The following PDE4A variants were observed in gnomAD, a reference collection of about 807,000 sequenced individuals.
The protein encoded by PDE4A is 3',5'-cyclic-AMP phosphodiesterase 4A.
In PDE4A, 21 loss-of-function variants were observed where a neutral mutation model predicts 73.9. The ratio of observed to expected loss-of-function variants is 0.28; its 90% CI spans 0.20 to 0.41. The LOEUF is 0.41. Ranked by LOEUF, PDE4A falls within the 10% of genes least tolerant of loss-of-function variation. PDE4A has a pLI of 1.00. For missense variants in PDE4A, 958 were observed against 1,211.4 expected, an observed-to-expected ratio of 0.79 and a Z score of 3.10; for synonymous variants, 463 against 505.4, an observed-to-expected ratio of 0.92 and a Z score of 1.13.
rs967592066 is a variant in PDE4A, at chr19:10,458,754, G to C, written c.1102-646G>C. ...CTGCCTCACCCTCCTGACTAGCCGGGACTAAAGGCCTGTGCCAGCACACCT... is the reference window on the plus strand; with the variant it reads ...CTGCCTCACCCTCCTGACTAGCCGGCACTAAAGGCCTGTGCCAGCACACCT... On this transcript the variant is annotated intron_variant, in intron 8 of 14. Coordinates refer to ENST00000380702, the MANE Select transcript of PDE4A (RefSeq NM_001111307.2). This position sits in a 1 kb window ranked among gnomAD's most constrained non-coding sequence, Gnocchi z 4.6. Among the ~76,000 whole-genome samples the C allele has an allele frequency of 2.0e-5, 3 of 152,120 alleles. No individual in the cohort carries two copies. The highest frequency in any genetic ancestry group is 4.4e-5 in the Non-Finnish European group (3 of 68,022).
chr19:10,422,820 A>G (rs552947012), intron 1 of PDE4A, among the ~76,000 whole-genome samples: 2 of 152,258 alleles, frequency 1.3e-5, no homozygotes, highest in East Asian at 3.9e-4. Flanking sequence ...ATCAACAGAA[A>G]ATGCTAAAAC....
intron 11 of PDE4A, 43 bp downstream of exon 11, chr19:10,461,146 C>T (rs554326038): frequency 6.3e-7 from 1 of 1,589,142 alleles, no homozygotes; most frequent in Non-Finnish European, 8.6e-7. Flanking sequence ...GAGTTGGAGG[C>T]GGTGTTGGCC....
At chr19:10,461,839 G>A (rs770493132) in intron 12 of PDE4A, 38 bp from the exon 13 acceptor site, 12 of 1,603,322 alleles carry the variant, frequency 7.5e-6, no homozygotes, top group Non-Finnish European at 1.0e-5. Context: ...TCTGGGGGGC[G>A]GGTGTCAGCG....
At chr19:10,464,700 C>T (rs1034935119) in intron 14 of PDE4A, among the ~76,000 whole-genome samples, 6 of 151,378 alleles carry the variant, frequency 4.0e-5, no homozygotes, top group Admixed American at 4.0e-4. Flanking sequence ...TCACCATACC[C>T]GGCCTTGTTT....
rs151055763 is a variant in PDE4A at position 10,437,715 on chromosome 19, G to T, written c.321-8503G>T. ...TTATAGGAATGAGCCATTCTGCTTG[G>T]CCCATTTTATCCATTTTCGAGTGTA... On this transcript the variant is annotated intron_variant, in intron 1 of 14. Coordinates refer to ENST00000380702, the MANE Select transcript of PDE4A (RefSeq NM_001111307.2). 5.5e-3 allele frequency among the ~76,000 whole-genome samples: 837 copies of T among 151,318 alleles called. 4 individuals are homozygous for T. The highest frequency in any genetic ancestry group is 0.01 in the Non-Finnish European group (695 of 67,940).
Position 10,425,222 on chromosome 19 carries a change from C to CAAA in PDE4A, c.320+4147_320+4149dup, listed in dbSNP as rs71297580. On this transcript the variant is annotated intron_variant, in intron 1 of 14. Coordinates refer to ENST00000380702, the MANE Select transcript of PDE4A (RefSeq NM_001111307.2). ...CTGGCAGCAGAGCGAGACCCTGTCTCAAAAAAAAAAACAAAAAACAAAAAA... is the reference window on the plus strand; with the variant it reads ...CTGGCAGCAGAGCGAGACCCTGTCTCAAAAAAAAAAAAAACAAAAAACAAAAAA... Among the ~76,000 whole-genome samples the CAAA allele has an allele frequency of 3.5e-3, 499 of 143,564 alleles. 5 individuals carry two copies. Among genetic ancestry groups the CAAA allele is most frequent in the African/African-American group, 7.9e-3 (306 of 38,932 alleles). 94.2% of individuals were successfully genotyped at this position (143,564 alleles called of 152,430 possible).
At chr19:10,447,579 G>A (rs12985608) in intron 2 of PDE4A, among the ~76,000 whole-genome samples, 1 of 150,942 alleles carries the variant, frequency 6.6e-6, no homozygotes, top group Non-Finnish European at 1.5e-5. Context: ...ATGTTGCCTA[G>A]ACTGGTCTCA....
chr19:10,452,216 G>A (rs1349767316), intron 6 of PDE4A, among the ~76,000 whole-genome samples: 2 of 151,958 alleles, frequency 1.3e-5, no homozygotes, highest in Non-Finnish European at 2.9e-5. Flanking sequence ...AAGGCGGGCG[G>A]ATCACCTGAG....
At chr19:10,419,270 C>A (rs1445746782), upstream of PDE4A, among the ~76,000 whole-genome samples, 1 of 140,132 alleles carries the variant, frequency 7.1e-6, no homozygotes, top group Non-Finnish European at 1.6e-5. Context: ...GCACTCCCCC[C>A]GCCCAGCAGC....
At chr19:10,425,506 G>A (rs867761350) in intron 1 of PDE4A, among the ~76,000 whole-genome samples, 17 of 152,204 alleles carry the variant, frequency 1.1e-4, no homozygotes, top group Admixed American at 2.0e-4. Flanking sequence ...GAAAGGGGGC[G>A]TCCCCCAAAC....
chr19:10,433,013 G>C (rs538300922), intron 1 of PDE4A, among the ~76,000 whole-genome samples: 10 of 152,324 alleles, frequency 6.6e-5, no homozygotes, highest in African/African-American at 1.9e-4. Context: ...AGCTGGGTTG[G>C]GGGTGGGGAG....
intron 1 of PDE4A, among the ~76,000 whole-genome samples, chr19:10,439,341 C>G (rs899053690): frequency 6.6e-6 from 1 of 151,920 alleles, no homozygotes; most frequent in African/African-American, 2.4e-5. Flanking sequence ...GCCACCACGC[C>G]CACCTGATTT....
chr19:10,435,500 G>T lies in PDE4A; in HGVS notation c.321-10718G>T, dbSNP rs543331183. Among the ~76,000 whole-genome samples, 26 of 151,940 alleles carry T rather than the reference G, an allele frequency of 1.7e-4. 2 individuals carry two copies. In the South Asian group the frequency reaches 5.0e-3, roughly 29 times the overall value. Reference sequence around the variant, plus strand: ...CGCTTGAGCCTGGGAGGCTGAGGCTGCAGTGAACCATGATCGCCCCACTGC... The same window carrying T: ...CGCTTGAGCCTGGGAGGCTGAGGCTTCAGTGAACCATGATCGCCCCACTGC... On this transcript the variant is annotated intron_variant, in intron 1 of 14. Coordinates refer to ENST00000380702, the MANE Select transcript of PDE4A (RefSeq NM_001111307.2).
upstream of PDE4A, chr19:10,417,008 TGGGCTAGGGGCG>T (rs2042594811): frequency 6.5e-7 from 1 of 1,536,988 alleles, no homozygotes; most frequent in Non-Finnish European, 8.7e-7. Context: ...AGGAGGGGCT[TGGGCTAGGGGCG>T]GGGCTTCGCC....
intron 1 of PDE4A, chr19:10,432,540 A>G (rs1021760716): frequency 1.3e-6 from 2 of 1,523,558 alleles, no homozygotes; most frequent in East Asian, 2.7e-5. Context: ...CGATGAGGAC[A>G]CCCGTCGGCA....
At position 10,461,573 on chromosome 19, in the gene PDE4A, C is replaced by T. The variant is rs201460028; in HGVS notation, c.1513C>T (p.His505Tyr). ...CAACGATGAGTCGGTGCTCGAGAATCACCACCTGGCCGTGGGCTTCAAGCT... is the reference window on the plus strand; with the variant it reads ...CAACGATGAGTCGGTGCTCGAGAATTACCACCTGGCCGTGGGCTTCAAGCT... ...MYNDESVLEN[H>Y]HLAVGFKLLQ... Residue 505 changes from histidine to tyrosine, a missense_variant, in exon 12 of 15, where the codon CAC becomes TAC. By Grantham distance (83) the His-to-Tyr change is moderately conservative. Coordinates refer to ENST00000380702, the MANE Select transcript of PDE4A (RefSeq NM_001111307.2). The T allele has an allele frequency of 5.6e-6, 9 of 1,613,962 alleles. No individual in the cohort carries two copies. The highest frequency in any genetic ancestry group is 7.6e-6 in the Non-Finnish European group (9 of 1,180,026).
At chr19:10,459,263 CTGTGCTGT>C in intron 8 of PDE4A, 129 bp from the exon 9 acceptor site, 1 of 1,460,402 alleles carries the variant, frequency 6.8e-7, no homozygotes, top group Admixed American at 2.3e-5. Flanking sequence ...GCAGTACATT[CTGTGCTGT>C]TGAACCTGTC....
chr19:10,466,423 T>G (rs1599464266), intron 14 of PDE4A, among the ~76,000 whole-genome samples: 6 of 109,022 alleles, frequency 5.5e-5, no homozygotes, highest in African/African-American at 7.4e-5. Context: ...CCAGCCTGGG[T>G]GACAGAGCAA....
intron 14 of PDE4A, 89 bp downstream of exon 14, chr19:10,464,064 C>A: frequency 6.6e-7 from 1 of 1,513,936 alleles, no homozygotes; most frequent in Non-Finnish European, 9.1e-7. Context: ...GAGCTCCTCC[C>A]CTGCCTTTCC....
Sources: gnomAD v4.1 joint callset for allele counts (sites outside exome capture counted in the v4.1 genomes callset) on GRCh38, gnomAD v4.1.1 for gene constraint, Gnocchi (gnomAD v3.1) non-coding constraint, MANE v1.5 for transcripts, NCBI Gene and HGNC (gene_info 2026-07-23, HGNC 2026-07-21) for gene names.